KDELR1: variants seen among roughly 807,000 people sequenced by gnomAD.
KDELR1 encodes KDEL endoplasmic reticulum protein retention receptor 1.
Under a neutral mutation model 25.5 loss-of-function variants are expected in KDELR1, and 16 were observed. The observed-to-expected ratio is 0.63, with a 90% CI of 0.43 to 0.95. The LOEUF is 0.95. Ranked by LOEUF, KDELR1 falls within the 40% of genes least tolerant of loss-of-function variation. The pLI is 0.00. For synonymous variants in KDELR1, 121 were observed against 115.0 expected (o/e 1.05, Z -0.33); for missense variants, 159 against 265.2 (o/e 0.60, Z 2.78).
chr19:48,389,688 G>A lies in KDELR1; in HGVS notation c.216C>T (p.Phe72=). 1.2e-6 allele frequency: 2 copies of A among 1,614,112 alleles called. No individual in the cohort carries two copies. Among genetic ancestry groups the A allele is most frequent in the Non-Finnish European group, 1.7e-6 (2 of 1,179,974 alleles). The change falls in exon 3 of 5, where the codon TTC becomes TTT. Residue 72 remains phenylalanine (F), a synonymous_variant. Transcript: ENST00000330720. Reference sequence around the variant, plus strand: ...TGCTATAAATCAACCAGACCGTGGTGAAGGAGCAGGCTATGTAGACCACCT... The same window carrying A: ...TGCTATAAATCAACCAGACCGTGGTAAAGGAGCAGGCTATGTAGACCACCT... The part of the protein sequence containing the change: ...CMKVVYIACS[F]TTVWLIYSKF...
rs1970524931 is a variant in KDELR1, at chr19:48,389,643, A to G, written c.261T>C (p.Asp87=). The G allele has an allele frequency of 6.2e-7, 1 of 1,614,182 alleles. No homozygotes were observed. Among genetic ancestry groups the G allele is most frequent in the Non-Finnish European group, 8.5e-7 (1 of 1,179,992 alleles). Residue 87 remains aspartate (D), a synonymous_variant, in exon 3 of 5, where the codon GAT becomes GAC. Transcript: ENST00000330720. The part of the protein sequence containing the change: ...LIYSKFKATY[D]GNHDTFRVEF... ...CCACTCTGAACGTGTCATGGTTCCC[A>G]TCGTAAGTAGCTTTGAACTTGCTAT...
At chr19:48,385,283 C>A (rs1004236346) in intron 3 of KDELR1, among the ~76,000 whole-genome samples, 1 of 152,316 alleles carries the variant, frequency 6.6e-6, no homozygotes, top group African/African-American at 2.4e-5. Context: ...CCGTATTCTC[C>A]CAGCCTCAGC....
intron 3 of KDELR1, among the ~76,000 whole-genome samples, chr19:48,389,079 T>A (rs901829432): frequency 1.3e-5 from 2 of 152,188 alleles, no homozygotes; most frequent in Non-Finnish European, 2.9e-5. Context: ...AAGACCAGCC[T>A]GGTCAACATG....
chr19:48,387,064 TA>T (rs35835908), intron 3 of KDELR1, among the ~76,000 whole-genome samples: 2,829 of 116,152 alleles, frequency 0.024, 96 homozygotes, highest in African/African-American at 0.081. Context: ...CAGCAAGACT[TA>T]AAAAAAAAAA....
chr19:48,384,214 C>G lies in KDELR1; in HGVS notation c.604+16G>C, dbSNP rs1474579140. ...AAATAGGAGGTTCCCTTCCAGCCGT[C>G]CCACATTCCAGCTACCTTTGGTGAT... On this transcript the variant is annotated intron_variant, in intron 4 of 4. Coordinates refer to ENST00000330720, the MANE Select transcript of KDELR1 (RefSeq NM_006801.3). This position sits in a 1 kb window ranked among gnomAD's most constrained non-coding sequence, Gnocchi z 4.6. The G allele has an allele frequency of 6.2e-7, 1 of 1,612,296 alleles. No individual in the cohort carries two copies. Among genetic ancestry groups the G allele is most frequent in the Admixed American group, 1.7e-5 (1 of 59,966 alleles).
chr19:48,387,855 G>T (rs1273169032), intron 3 of KDELR1: 1 of 152,134 alleles, frequency 6.6e-6, no homozygotes, highest in Non-Finnish European at 1.5e-5. Context: ...GTAAGAAAAG[G>T]TTACCCTGAA....
In KDELR1 at chr19:48,384,406, T is replaced by G; in HGVS notation, c.428A>C (p.Glu143Ala). Residue 143 changes from glutamate (E) to alanine (A), a missense_variant, in exon 4 of 5, where the codon GAG becomes GCG. By Grantham distance (107) the Glu-to-Ala change is moderately radical (BLOSUM62 -1). Transcript: ENST00000330720. This position sits in a 1 kb window ranked among gnomAD's most constrained non-coding sequence, Gnocchi z 4.6. ...GTAGTGGCTGGTGATGGTCTCCGCC[T>G]CGCCGGTCTTGCTCACCATGAACAG... Reference protein sequence around the residue: ...PQLFMVSKTGEAETITSHYLF... With the variant: ...PQLFMVSKTGAAETITSHYLF... The G allele has an allele frequency of 6.2e-7, 1 of 1,613,892 alleles. No homozygotes were observed. The highest frequency in any genetic ancestry group is 8.5e-7 in the Non-Finnish European group (1 of 1,179,932).
intron 3 of KDELR1, among the ~76,000 whole-genome samples, chr19:48,386,408 C>A (rs373988980): frequency 6.0e-5 from 9 of 150,854 alleles, no homozygotes; most frequent in African/African-American, 1.7e-4. Flanking sequence ...TGAGCCACTG[C>A]GCCCAGTCTT....
rs1398650264 is a variant in KDELR1, at chr19:48,388,100, C to T, written c.351+1453G>A. Among the ~76,000 whole-genome samples, 3 of 152,116 alleles carry T rather than the reference C, an allele frequency of 2.0e-5. No individual in the cohort carries two copies. In the South Asian group the frequency reaches 6.2e-4, roughly 31 times the overall value. On this transcript the variant is annotated intron_variant, in intron 3 of 4. Coordinates refer to ENST00000330720, the MANE Select transcript of KDELR1 (RefSeq NM_006801.3). ...CCCAGATACTGTGCTTTATTAATAC[C>T]AACCTCTCATTTGAACCCTATGACA...
In KDELR1 at chr19:48,390,577, G is replaced by GAGAGAGAGAGAGAGACAGAC. The variant is rs1555890422; in HGVS notation, c.92-54_92-53insGTCTGTCTCTCTCTCTCTCT. 9 of 980,256 alleles carry GAGAGAGAGAGAGAGACAGAC rather than the reference G, an allele frequency of 9.2e-6. No individual in the cohort carries two copies. In the African/African-American group the frequency reaches 1.2e-4, roughly 13 times the overall value. 60.7% of individuals were successfully genotyped at this position (980,256 alleles called of 1,614,324 possible). ...AGAGAGAGAGACAGAGAGAGAGAGAGAGACAGACAGACAGACAGACAGACA... is the reference window on the plus strand; with the variant it reads ...AGAGAGAGAGACAGAGAGAGAGAGAGAGAGAGAGAGAGAGACAGACAGACAGACAGACAGACAGACAGACA... On this transcript the variant is annotated intron_variant, in intron 1 of 4. Coordinates refer to ENST00000330720, the MANE Select transcript of KDELR1 (RefSeq NM_006801.3).
chr19:48,387,041 A>G (rs564781267), intron 3 of KDELR1, among the ~76,000 whole-genome samples: 1 of 147,156 alleles, frequency 6.8e-6, no homozygotes, highest in South Asian at 2.3e-4. Context: ...ACTGCACTCC[A>G]GTCTGGGTGA....
chr19:48,393,794 G>C (rs1318937826), upstream of KDELR1, among the ~76,000 whole-genome samples: 1 of 152,144 alleles, frequency 6.6e-6, no homozygotes, highest in African/African-American at 2.4e-5. The surrounding 1 kb of genome is among the most constrained non-coding windows in gnomAD (Gnocchi z 5.6). Flanking sequence ...CTCGGCCACC[G>C]GTGCCTGCTG....
At chr19:48,389,256 C>T (rs979190129) in intron 3 of KDELR1, among the ~76,000 whole-genome samples, 2 of 152,068 alleles carry the variant, frequency 1.3e-5, no homozygotes, top group African/African-American at 2.4e-5. Context: ...GGCAACAGAG[C>T]GAGACTTTGT....
intron 3 of KDELR1, 37 bp downstream of exon 3, chr19:48,389,516 C>G (rs778491187): frequency 5.6e-6 from 9 of 1,612,110 alleles, no homozygotes; most frequent in Non-Finnish European, 7.6e-6. Context: ...CTGCCACAAC[C>G]ATCCCCCCAA....
chr19:48,391,599 C>T (rs1346203703), upstream of KDELR1: 13 of 519,312 alleles, frequency 2.5e-5, no homozygotes, highest in East Asian at 4.1e-4. Flanking sequence ...AGGCTCCGCC[C>T]CCGAGGGCGG....
intron 3 of KDELR1, among the ~76,000 whole-genome samples, chr19:48,386,853 G>C (rs895159367): frequency 5.3e-5 from 8 of 151,956 alleles, no homozygotes. Context: ...GATCACTTGA[G>C]GCCAGGAGTT....
the KDELR1 span, among the ~76,000 whole-genome samples, chr19:48,396,898 C>G: frequency 2.6e-5 from 4 of 152,102 alleles, no homozygotes; most frequent in Admixed American, 2.6e-4. Flanking sequence ...GCCCCTAGTG[C>G]GGACTCCAGT....
chr19:48,387,812 G>A (rs1970508581), intron 3 of KDELR1: 1 of 152,102 alleles, frequency 6.6e-6, no homozygotes, highest in Non-Finnish European at 1.5e-5. Context: ...GGCCACCCAG[G>A]CCTATCTTCC....
At chr19:48,396,367 C>T (rs950140463), upstream of KDELR1, among the ~76,000 whole-genome samples, 6 of 151,066 alleles carry the variant, frequency 4.0e-5, no homozygotes, top group African/African-American at 1.2e-4. Flanking sequence ...AGGGTGGGGC[C>T]GGGGGCTGCC....
Sources: allele counts gnomAD v4.1 joint callset (sites outside exome capture counted in the v4.1 genomes callset), GRCh38; gene constraint gnomAD v4.1.1; non-coding constraint Gnocchi (gnomAD v3.1); transcripts MANE v1.5; gene names NCBI Gene and HGNC (gene_info 2026-07-23, HGNC 2026-07-21).